The following CENPE variants were observed in gnomAD, a reference collection of about 807,000 sequenced individuals.
CENPE encodes centromere-associated protein E.
In CENPE, 145 loss-of-function variants were observed where a neutral mutation model predicts 336.1. That is an observed-to-expected ratio of 0.43 (90% CI 0.38 to 0.50). CENPE has a LOEUF of 0.50. Among genes scored for constraint, CENPE ranks in the 20% least tolerant of loss-of-function variants. The probability of loss-of-function intolerance (pLI) is 0.00; values close to 1 mark genes in which losing one functional copy is unlikely to be tolerated. For missense variants in CENPE, 2,719 were observed against 3,023.3 expected, an observed-to-expected ratio of 0.90 and a Z score of 2.36; for synonymous variants, 1,013 against 984.8, an observed-to-expected ratio of 1.03 and a Z score of -0.54.
chr4:103,129,666 G>T (rs1044506519), intron 42 of CENPE, among the ~76,000 whole-genome samples: 1 of 152,072 alleles, frequency 6.6e-6, no homozygotes, highest in African/African-American at 2.4e-5. Context: ...AGAGGTTGCC[G>T]TGTGCCGAGA....
chr4:103,187,660 G>A (rs1756908441), intron 8 of CENPE, among the ~76,000 whole-genome samples: 1 of 152,154 alleles, frequency 6.6e-6, no homozygotes, highest in Non-Finnish European at 1.5e-5. Flanking sequence ...ACTAAACATG[G>A]AAAGGAACAA....
intron 16 of CENPE, among the ~76,000 whole-genome samples, chr4:103,165,070 T>TGCATAGAA (rs60786706): frequency 0.15 from 23,504 of 152,010 alleles, 1,994 homozygotes; most frequent in South Asian, 0.3. Context: ...CTGGTTCTTA[T>TGCATAGAA]GCATAGAAAA....
chr4:103,113,981 C>A (rs1749844078), intron 46 of CENPE, among the ~76,000 whole-genome samples: 1 of 151,932 alleles, frequency 6.6e-6, no homozygotes. Flanking sequence ...AAAAGTATCT[C>A]AGATAAATTT....
In CENPE at chr4:103,180,365, G is replaced by C; in HGVS notation, c.1188C>G (p.Asn396Lys). ...AAGAGGTCACCAGCATCCGTGTTAA[G>C]TTTTCAATTTTCTCATTCTGTACTT... ...LQKVQNEKIE[N>K]LTRMLVTSSS... is the part of the protein sequence containing the mutation. The change falls in exon 13 of 49, where the codon AAC becomes AAG. Residue 396 changes from asparagine (N) to lysine (K), a missense_variant. Asn to Lys is a moderately conservative substitution (Grantham distance 94, BLOSUM62 0). Around this residue, in one of 5 missense-constraint regions of CENPE, gnomAD observed 117 missense variants for 215.8 expected, o/e 0.54. Transcript: ENST00000265148. The C allele has an allele frequency of 6.2e-7, 1 of 1,613,296 alleles. No individual in the cohort carries two copies. Among genetic ancestry groups the C allele is most frequent in the South Asian group, 1.1e-5 (1 of 91,010 alleles).
intron 45 of CENPE, among the ~76,000 whole-genome samples, chr4:103,115,877 C>G (rs543114102): frequency 6.6e-6 from 1 of 152,054 alleles, no homozygotes; most frequent in African/African-American, 2.4e-5. Context: ...ACTACAGGCG[C>G]CTGCCACCAT....
At chr4:103,130,914 A>G (rs1751533669) in intron 42 of CENPE, among the ~76,000 whole-genome samples, 1 of 151,032 alleles carries the variant, frequency 6.6e-6, no homozygotes, top group African/African-American at 2.4e-5. Context: ...TACAAGCGAA[A>G]AAAAAAAAAA....
chr4:103,165,524 C>T (rs1333136196), intron 16 of CENPE, among the ~76,000 whole-genome samples: 4 of 152,150 alleles, frequency 2.6e-5, no homozygotes, highest in African/African-American at 9.6e-5. Flanking sequence ...ACTTTTATTC[C>T]CTTTTAGCTA....
At chr4:103,151,921 T>G (rs1578617214) in intron 25 of CENPE, among the ~76,000 whole-genome samples, 3 of 152,342 alleles carry the variant, frequency 2.0e-5, no homozygotes, top group African/African-American at 7.2e-5. Context: ...CTTATTTACA[T>G]TCTGCTCTTT....
chr4:103,108,207 T>C (rs558698274), intron 48 of CENPE, among the ~76,000 whole-genome samples: 6 of 152,112 alleles, frequency 3.9e-5, no homozygotes, highest in Non-Finnish European at 8.8e-5. Context: ...TTATTATATT[T>C]CTCATAGTCT....
Position 103,145,638 on chromosome 4 carries a change from A to G in CENPE, c.4457T>C (p.Leu1486Pro). ...EEELKVAHCCLKEQEETINEL... is the reference protein window; with the variant it reads ...EEELKVAHCCPKEQEETINEL... The stretch of plus-strand genomic sequence containing the variant: ...ATTAATAGTTTCCTCTTGTTCTTTC[A>G]GGCAACAATGAGCAACTTTAAGTTC... Residue 1486 changes from leucine to proline, a missense_variant, in exon 31 of 49, where the codon CTG becomes CCG. Physicochemically the swap from Leu to Pro is moderately conservative, Grantham distance 98 (BLOSUM62 -3). This residue lies in a region of CENPE where 2,437 missense variants were observed against 2,513.3 expected (regional missense o/e 0.97). Coordinates refer to ENST00000265148, the MANE Select transcript of CENPE (RefSeq NM_001813.3). The G allele has an allele frequency of 6.2e-7, 1 of 1,607,316 alleles. No homozygotes were observed. Among genetic ancestry groups the G allele is most frequent in the Non-Finnish European group, 8.5e-7 (1 of 1,178,232 alleles).
chr4:103,112,591 C>T (rs1233101355), intron 46 of CENPE, among the ~76,000 whole-genome samples: 1 of 132,904 alleles, frequency 7.5e-6, no homozygotes, highest in Non-Finnish European at 1.5e-5. Context: ...TGTATACATA[C>T]TTATAAGTAT....
At chr4:103,131,389 T>C (rs1289233123) in intron 42 of CENPE, among the ~76,000 whole-genome samples, 3 of 152,134 alleles carry the variant, frequency 2.0e-5, no homozygotes, top group African/African-American at 7.2e-5. Flanking sequence ...GAGATACCAC[T>C]AGAATGGTCA....
At chr4:103,196,686 T>A (rs1755290364) in intron 2 of CENPE, 73 bp downstream of exon 2, 2 of 730,002 alleles carry the variant, frequency 2.7e-6, no homozygotes, top group Non-Finnish European at 4.7e-6. Flanking sequence ...AAATCTAATA[T>A]TATTGATAAG....
At chr4:103,190,788 C>T (rs763884313) in intron 8 of CENPE, among the ~76,000 whole-genome samples, 1 of 152,004 alleles carries the variant, frequency 6.6e-6, no homozygotes, top group African/African-American at 2.4e-5. Flanking sequence ...CCAAAATTGA[C>T]AAAATGGGAT....
chr4:103,135,038 C>T (rs1436562935), intron 40 of CENPE, among the ~76,000 whole-genome samples: 1 of 152,212 alleles, frequency 6.6e-6, no homozygotes, highest in Non-Finnish European at 1.5e-5. Flanking sequence ...ATTTGGGTAG[C>T]AGTACTTTTG....
Position 103,114,571 on chromosome 4 carries a change from A to G in CENPE, c.7443-19T>C. The G allele has an allele frequency of 6.7e-7, 1 of 1,486,664 alleles. No homozygotes were observed. Among genetic ancestry groups the G allele is most frequent in the Non-Finnish European group, 9.3e-7 (1 of 1,072,022 alleles). 92.1% of individuals were successfully genotyped at this position (1,486,664 alleles called of 1,614,324 possible). ...ACTGATTCTAACAAAAACAATAAAA[A>G]TATGTAAAAAGCTCAGCAACTGATT... On this transcript the variant is annotated intron_variant, in intron 45 of 48. Transcript: ENST00000265148.
chr4:103,161,459 T>TA lies in CENPE; in HGVS notation c.1843-3dup. 1 of 1,578,752 alleles carries TA rather than the reference T, an allele frequency of 6.3e-7. No homozygotes were observed. The highest frequency in any genetic ancestry group is 8.6e-7 in the Non-Finnish European group (1 of 1,167,654). On this transcript the variant is annotated splice_polypyrimidine_tract_variant and splice_region_variant and intron_variant, in intron 18 of 48. Coordinates refer to ENST00000265148, the MANE Select transcript of CENPE (RefSeq NM_001813.3). ...TTGTTTTGGGTCTTCAATGCTTTCCTAGACAGATGACAAAAGGGGTTCACT... is the reference window on the plus strand; with the variant it reads ...TTGTTTTGGGTCTTCAATGCTTTCCTAAGACAGATGACAAAAGGGGTTCACT...
Position 103,108,670 on chromosome 4 carries a change from G to A in CENPE, c.8011+133C>T. 7.2e-6 allele frequency: 6 copies of A among 835,276 alleles called. No individual in the cohort carries two copies. In the South Asian group the frequency reaches 1.1e-4, roughly 16 times the overall value. The allele number at this position is 835,276 out of a possible 1,614,324, so 51.7% of individuals were successfully genotyped here. A position where few individuals can be genotyped will look rare whatever the true frequency, so the allele number is the denominator to read the frequency against. ...AGAAATCAACTTTCTTACAGAGTCA[G>A]CAAATGAAGCCTGTCATTGTAGCTT... On this transcript the variant is annotated intron_variant, in intron 48 of 48. Transcript: ENST00000265148.
In CENPE at chr4:103,138,338, A is replaced by AG; in HGVS notation, c.6303+12dup. ...ACCAATAATCATTTGTAGTTTTAAC[A>AG]GGGGGTACTTACTTTTATTCTAGAG... On this transcript the variant is annotated intron_variant, in intron 39 of 48. Coordinates refer to ENST00000265148, the MANE Select transcript of CENPE (RefSeq NM_001813.3). The AG allele has an allele frequency of 6.5e-7, 1 of 1,548,022 alleles. No individual in the cohort carries two copies. Among genetic ancestry groups the AG allele is most frequent in the Non-Finnish European group, 8.9e-7 (1 of 1,119,656 alleles).
Sources: allele counts gnomAD v4.1 joint callset (sites outside exome capture counted in the v4.1 genomes callset), GRCh38; gene constraint gnomAD v4.1.1; regional missense constraint gnomAD v4.1.1; transcripts MANE v1.5; gene names NCBI Gene and HGNC (gene_info 2026-07-23, HGNC 2026-07-21).